The following ZSCAN18 variants were observed in gnomAD, a reference collection of about 807,000 sequenced individuals.
ZSCAN18 encodes zinc finger and SCAN domain-containing protein 18.
ZSCAN18 carries 16 observed loss-of-function variants against 31.1 expected under a neutral mutation model. That is an observed-to-expected ratio of 0.51 (90% confidence interval 0.35 to 0.78). ZSCAN18 has a LOEUF of 0.78. ZSCAN18 is among the 30% of genes least tolerant of loss of function. The pLI is 0.01. For missense variants in ZSCAN18, 731 were observed against 697.4 expected (o/e 1.05, Z -0.54); for synonymous variants, 375 against 320.7 (o/e 1.17, Z -1.81).
chr19:58,113,487 CAGCT>C (rs1335593077), intron 1 of ZSCAN18, among the ~76,000 whole-genome samples: 1 of 152,082 alleles, frequency 6.6e-6, no homozygotes, highest in African/African-American at 2.4e-5. Flanking sequence ...GTTTTCACAA[CAGCT>C]CACCAGGAAT....
At chr19:58,107,923 C>A (rs546198993) in intron 1 of ZSCAN18, 13 of 1,075,266 alleles carry the variant, frequency 1.2e-5, no homozygotes, top group Middle Eastern at 5.9e-4. Context: ...CGATTACACT[C>A]GTAGGGCTTC....
At chr19:58,100,084 G>A (rs547644206), upstream of ZSCAN18, among the ~76,000 whole-genome samples, 9 of 150,526 alleles carry the variant, frequency 6.0e-5, no homozygotes, top group African/African-American at 1.2e-4. Context: ...TCAGCCTCCC[G>A]AGTAGCTGGA....
chr19:58,108,842 AGG>A (rs34907480), intron 1 of ZSCAN18: 813,508 of 992,642 alleles, frequency 0.82, 336,573 homozygotes, highest in Non-Finnish European at 0.85. Context: ...TACATTTTGA[AGG>A]CTCATCTCCT....
At chr19:58,109,356 G>A in intron 1 of ZSCAN18, 1 of 1,230,894 alleles carries the variant, frequency 8.1e-7, no homozygotes, top group Non-Finnish European at 1.0e-6. Context: ...AATTGCTAGA[G>A]TTAGAATGGT....
chr19:58,089,085 C>T (rs963702511), intron 2 of ZSCAN18, among the ~76,000 whole-genome samples: 12 of 151,736 alleles, frequency 7.9e-5, no homozygotes, highest in Admixed American at 5.3e-4. Context: ...GGGCGGATCA[C>T]GAGGTCAGGA....
chr19:58,103,120 T>TAA (rs36184704), upstream of ZSCAN18, among the ~76,000 whole-genome samples: 76 of 149,682 alleles, frequency 5.1e-4, 1 homozygote, highest in East Asian at 0.013. Context: ...AGACTCTCTC[T>TAA]AAAAAAAAAT....
At chr19:58,088,586 CCT>C (rs1179559179) in intron 3 of ZSCAN18, 100 bp downstream of exon 3, 6 of 1,241,362 alleles carry the variant, frequency 4.8e-6, no homozygotes, top group East Asian at 2.4e-5. Flanking sequence ...CCATGGAGCC[CCT>C]GACTCCCTGG....
chr19:58,085,518 C>T, intron 6 of ZSCAN18, 139 bp from the exon 7 acceptor site: 8 of 732,188 alleles, frequency 1.1e-5, no homozygotes, highest in African/African-American at 1.9e-5. Context: ...TGTTTGGAAG[C>T]AGCGCTGTCC....
rs1240232287 is a variant in ZSCAN18 at position 58,087,424 on chromosome 19, G to C, written c.554-20C>G. The C allele has an allele frequency of 1.3e-6, 2 of 1,582,996 alleles. No individual in the cohort carries two copies. The highest frequency in any genetic ancestry group is 4.5e-5 in the East Asian group (2 of 44,050). On this transcript the variant is annotated intron_variant, in intron 3 of 6. Transcript: ENST00000601144. ...GCCAGGCTGGGGAGAAGGAGAGGCA[G>C]AGCTGAGGCAATGAGCTCCCTGTGG... is the stretch of plus-strand genomic sequence containing the variant.
Position 58,106,698 on chromosome 19 carries a change from C to T in ZSCAN18, c.130+11569G>A, listed in dbSNP as rs375419497. Among the ~76,000 whole-genome samples the T allele has an allele frequency of 3.6e-4, 2 of 5,524 alleles. 1 individual carries two copies. Among genetic ancestry groups the T allele is most frequent in the African/African-American group, 7.3e-4 (2 of 2,732 alleles). 3.6% of individuals were successfully genotyped at this position (5,524 alleles called of 152,430 possible). A position where few individuals can be genotyped will look rare whatever the true frequency, so the allele number is the denominator to read the frequency against. On this transcript the variant is annotated intron_variant, in intron 1 of 1. Coordinates refer to the ZSCAN18 transcript ENST00000595721. Reference sequence around the variant, plus strand: ...CAGCCTGGGCGACAGAGCGAGACTCCGTCTCAAAAAAAAAAAAAAAAAAAA... The same window carrying T: ...CAGCCTGGGCGACAGAGCGAGACTCTGTCTCAAAAAAAAAAAAAAAAAAAA...
At chr19:58,118,394 C>T (rs1437403592) in exon 1 of ZSCAN18, 2 of 1,522,838 alleles carry the variant, frequency 1.3e-6, no homozygotes, top group African/African-American at 2.9e-5. Context: ...CGACTCTCCG[C>T]ATGGGCGCGC....
At chr19:58,106,927 ATT>A (rs201700863) in intron 1 of ZSCAN18, among the ~76,000 whole-genome samples, 1 of 150,134 alleles carries the variant, frequency 6.7e-6, no homozygotes, top group Admixed American at 6.6e-5. Context: ...CGCCTGGCTA[ATT>A]TTTTTTTGTA....
At chr19:58,093,811 G>A (rs1026110749) in intron 1 of ZSCAN18, among the ~76,000 whole-genome samples, 3 of 151,642 alleles carry the variant, frequency 2.0e-5, no homozygotes, top group Non-Finnish European at 2.9e-5. Context: ...TGTCACCCAC[G>A]CTGGAGTGCT....
rs1228670213 is a variant in ZSCAN18, at chr19:58,085,320, C to T, written c.898G>A (p.Val300Met). Residue 300 changes from valine to methionine, a missense_variant, in exon 7 of 7, where the codon GTG becomes ATG. By Grantham distance (21) the Val-to-Met change is conservative. Coordinates refer to ENST00000601144, the MANE Select transcript of ZSCAN18 (RefSeq NM_001145543.2). Reference protein sequence around the residue: ...CACEEAAPAGVLPELPTEAPP... With the variant: ...CACEEAAPAGMLPELPTEAPP... ...GCCTCCGTAGGCAGCTCAGGCAGCACCCCCGCGGGGGCGGCCTCCTCGCAG... is the reference window on the plus strand; with the variant it reads ...GCCTCCGTAGGCAGCTCAGGCAGCATCCCCGCGGGGGCGGCCTCCTCGCAG... 1.3e-6 allele frequency: 2 copies of T among 1,596,198 alleles called. No homozygotes were observed. Among genetic ancestry groups the T allele is most frequent in the African/African-American group, 1.3e-5 (1 of 74,760 alleles).
chr19:58,098,476 A>C (rs973280113), upstream of ZSCAN18: 1 of 694,416 alleles, frequency 1.4e-6, no homozygotes, highest in South Asian at 6.4e-5. Flanking sequence ...AGAGACCCGG[A>C]GAAACAAAGA....
upstream of ZSCAN18, among the ~76,000 whole-genome samples, chr19:58,100,422 G>T (rs773278828): frequency 4.6e-5 from 7 of 152,240 alleles, no homozygotes; most frequent in Non-Finnish European, 1.0e-4. Context: ...TCAATCGTGG[G>T]GCAGAGAGAG....
chr19:58,098,310 C>G (rs2554978), upstream of ZSCAN18: 822,103 of 985,390 alleles, frequency 0.83, 343,879 homozygotes, highest in Non-Finnish European at 0.85. Flanking sequence ...TGCCGCGCAC[C>G]GGGGCGAGCA....
At chr19:58,085,401 A>C in intron 6 of ZSCAN18, 22 bp from the exon 7 acceptor site, 2 of 1,556,986 alleles carry the variant, frequency 1.3e-6, no homozygotes, top group Non-Finnish European at 1.7e-6. Flanking sequence ...TCAGAGCCCT[A>C]GCGTGAGCGC....
Position 58,086,247 on chromosome 19 carries a change from A to C in ZSCAN18, c.765T>G (p.Pro255=), listed in dbSNP as rs1221722383. The C allele has an allele frequency of 6.2e-7, 1 of 1,613,944 alleles. No homozygotes were observed. The change falls in exon 6 of 7, where the codon CCT becomes CCG. Residue 255 remains proline (P), a synonymous_variant. Coordinates refer to ENST00000601144, the MANE Select transcript of ZSCAN18 (RefSeq NM_001145543.2). ...LLLWGYQLSQ[P]DAASRLDTEE... ...CAGTGTCCAGCCTGGAGGCAGCGTC[A>C]GGCTGGGAAAGCTGATACCCTGAGT...
Sources: gnomAD v4.1 joint callset for allele counts (sites outside exome capture counted in the v4.1 genomes callset) on GRCh38, gnomAD v4.1.1 for gene constraint, MANE v1.5 for transcripts, NCBI Gene and HGNC (gene_info 2026-07-23, HGNC 2026-07-21) for gene names.